NFE2L3: variants seen among roughly 807,000 people sequenced by gnomAD.
The protein encoded by NFE2L3 is nuclear factor erythroid 2-related factor 3.
Under a neutral mutation model 23.5 loss-of-function variants are expected in NFE2L3, and 18 were observed. The observed-to-expected ratio is 0.77, with a 90% confidence interval of 0.53 to 1.13. The LOEUF is 1.13. Ranked by LOEUF, NFE2L3 falls within the 50% of genes most tolerant of loss-of-function variation. NFE2L3 has a pLI of 0.00. For missense variants in NFE2L3, 1,152 were observed against 877.2 expected (o/e 1.31, Z -3.96); for synonymous variants, 424 against 354.5 (o/e 1.20, Z -2.20).
intron 1 of NFE2L3, among the ~76,000 whole-genome samples, chr7:26,157,551 T>C (rs755016226): frequency 3.9e-5 from 6 of 152,214 alleles, no homozygotes; most frequent in Non-Finnish European, 8.8e-5. Context: ...TCCTGGGCAA[T>C]TGGACAAGAG....
intron 1 of NFE2L3, among the ~76,000 whole-genome samples, chr7:26,158,711 A>G (rs1784124361): frequency 6.6e-6 from 1 of 152,018 alleles, no homozygotes. Context: ...CTACTTCTCA[A>G]CCCACACAGT....
intron 1 of NFE2L3, among the ~76,000 whole-genome samples, chr7:26,172,663 C>A (rs141266023): frequency 1.2e-4 from 18 of 152,168 alleles, no homozygotes; most frequent in African/African-American, 4.3e-4. Flanking sequence ...TAAAAATGAC[C>A]CCCAATGTTG....
intron 1 of NFE2L3, 93 bp downstream of exon 1, chr7:26,153,161 C>A: frequency 7.8e-7 from 1 of 1,274,710 alleles, no homozygotes; most frequent in Middle Eastern, 2.8e-4. Context: ...GCCACTCTCG[C>A]TGTGTCCTGG....
Position 26,152,776 on chromosome 7 carries a change from G to A in NFE2L3, c.278G>A (p.Arg93Gln). The change falls in exon 1 of 4, where the codon CGG (arginine) becomes CAG (glutamine). Residue 93 changes from arginine to glutamine, a missense_variant. Physicochemically the swap from Arg to Gln is conservative, Grantham distance 43. Coordinates refer to ENST00000056233, the MANE Select transcript of NFE2L3 (RefSeq NM_004289.7). This position sits in a 1 kb window ranked among gnomAD's most constrained non-coding sequence, Gnocchi z 4.4. ...GCGCCGCCCGAGGGCCAGCTGCTCC[G>A]GGAGGTGCGCGCGCTCGGGGTCCCC... ...PAAPPEGQLLREVRALGVPFV... is the reference protein window; with the variant it reads ...PAAPPEGQLLQEVRALGVPFV... 1 of 1,484,578 alleles carries A rather than the reference G, an allele frequency of 6.7e-7. No homozygotes were observed. 92.0% of individuals were successfully genotyped at this position (1,484,578 alleles called of 1,614,324 possible). A position where few individuals can be genotyped will look rare whatever the true frequency, so the allele number is the denominator to read the frequency against.
intron 1 of NFE2L3, among the ~76,000 whole-genome samples, chr7:26,168,846 C>T (rs1157313869): frequency 2.0e-5 from 3 of 152,072 alleles, no homozygotes; most frequent in Non-Finnish European, 4.4e-5. Flanking sequence ...GAGAAGTGTT[C>T]CTGAAGGGGC....
At chr7:26,183,657 TCA>T (rs1782390023) in intron 2 of NFE2L3, 42 bp from the exon 3 acceptor site, 2 of 1,225,986 alleles carry the variant, frequency 1.6e-6, no homozygotes, top group South Asian at 2.4e-5. Flanking sequence ...CCCAACCAGT[TCA>T]GTCTTTTATG....
chr7:26,156,360 C>T (rs186883580), intron 1 of NFE2L3, among the ~76,000 whole-genome samples: 5 of 152,260 alleles, frequency 3.3e-5, no homozygotes, highest in Non-Finnish European at 4.4e-5. Flanking sequence ...TAGATAATTC[C>T]GGTGGCTTAC....
At position 26,185,504 on chromosome 7, in the gene NFE2L3, A is replaced by G. The variant is rs1336216013; in HGVS notation, c.1806A>G (p.Ile602Met). ...ACTGTCGTAAACGCAAATTGGACAT[A>G]ATTTTGAATTTAGAAGATGATGTAT... The part of the protein sequence containing the change: ...AQNCRKRKLD[I>M]ILNLEDDVCN... Residue 602 changes from isoleucine to methionine, a missense_variant, in exon 4 of 4, where the codon ATA becomes ATG. Ile to Met is a conservative substitution (Grantham distance 10). Transcript: ENST00000056233. 5 of 1,613,868 alleles carry G rather than the reference A, an allele frequency of 3.1e-6. No individual in the cohort carries two copies. Among genetic ancestry groups the G allele is most frequent in the Non-Finnish European group, 4.2e-6 (5 of 1,179,870 alleles).
chr7:26,179,195 C>G (rs1042467030), intron 2 of NFE2L3, among the ~76,000 whole-genome samples: 6 of 152,030 alleles, frequency 3.9e-5, no homozygotes, highest in Admixed American at 2.0e-4. Flanking sequence ...CCCAGTGCAG[C>G]AATTGATAAG....
chr7:26,171,636 C>G (rs1784329390), intron 1 of NFE2L3, among the ~76,000 whole-genome samples: 1 of 151,920 alleles, frequency 6.6e-6, no homozygotes. Flanking sequence ...CCTTGAATTC[C>G]TTTGTCTCCT....
At chr7:26,177,628 G>A (rs1319827681) in intron 1 of NFE2L3, among the ~76,000 whole-genome samples, 2 of 152,044 alleles carry the variant, frequency 1.3e-5, no homozygotes, top group Non-Finnish European at 2.9e-5. Context: ...GAGGAAGGAA[G>A]GAATCAATTT....
At chr7:26,171,818 T>C (rs1784331754) in intron 1 of NFE2L3, among the ~76,000 whole-genome samples, 1 of 152,010 alleles carries the variant, frequency 6.6e-6, no homozygotes, top group Non-Finnish European at 1.5e-5. Context: ...ATTGTTTGAC[T>C]AGCCTGGGCA....
intron 1 of NFE2L3, among the ~76,000 whole-genome samples, chr7:26,156,150 T>G (rs1289022847): frequency 6.6e-6 from 1 of 152,218 alleles, no homozygotes; most frequent in Non-Finnish European, 1.5e-5. Context: ...TGCTTCATTC[T>G]GTGTGCATTC....
At chr7:26,160,638 T>A (rs886200343) in intron 1 of NFE2L3, among the ~76,000 whole-genome samples, 1 of 152,230 alleles carries the variant, frequency 6.6e-6, no homozygotes, top group Non-Finnish European at 1.5e-5. Flanking sequence ...CAAGGAAACC[T>A]CAGTTTTGCT....
intron 1 of NFE2L3, among the ~76,000 whole-genome samples, chr7:26,175,522 A>G (rs1183070529): frequency 6.6e-6 from 1 of 152,088 alleles, no homozygotes; most frequent in East Asian, 1.9e-4. Flanking sequence ...TCACGCCTGT[A>G]ATCCCAGCAC....
At chr7:26,182,226 C>A (rs1784528809) in intron 2 of NFE2L3, among the ~76,000 whole-genome samples, 1 of 151,932 alleles carries the variant, frequency 6.6e-6, no homozygotes, top group African/African-American at 2.4e-5. Flanking sequence ...ACACTGAGAG[C>A]AAACTTACCA....
chr7:26,186,428 T>A lies in NFE2L3; in HGVS notation c.*645T>A, dbSNP rs1782489176. The A allele has an allele frequency of 6.6e-6, 1 of 152,212 alleles. No individual in the cohort carries two copies. Among genetic ancestry groups the A allele is most frequent in the Non-Finnish European group, 1.5e-5 (1 of 68,136 alleles). 9.4% of individuals were successfully genotyped at this position (152,212 alleles called of 1,614,324 possible). On this transcript the variant is annotated 3_prime_UTR_variant, in exon 4 of 4. Transcript: ENST00000056233. ...TGCTCAGACTCAAGCCAAATTGAGG[T>A]CAACATAGTATGCCAAATCCATAGT...
chr7:26,185,517 G>T lies in NFE2L3; in HGVS notation c.1819G>T (p.Glu607Ter). The T allele has an allele frequency of 6.2e-7, 1 of 1,613,874 alleles. No homozygotes were observed. The highest frequency in any genetic ancestry group is 8.5e-7 in the Non-Finnish European group (1 of 1,179,766). The change falls in exon 4 of 4, where the codon GAA becomes TAA. Residue 607 changes from glutamate (E) to a stop codon, truncating the protein, a stop_gained. Transcript: ENST00000056233. LOFTEE classifies it low-confidence loss of function (END_TRUNC). Reference sequence around the variant, plus strand: ...CAAATTGGACATAATTTTGAATTTAGAAGATGATGTATGTAACTTGCAAGC... The same window carrying T: ...CAAATTGGACATAATTTTGAATTTATAAGATGATGTATGTAACTTGCAAGC... ...KRKLDIILNL[E>*]DDVCNLQAKK...
At chr7:26,184,400 TTAC>T in intron 3 of NFE2L3, 130 bp from the exon 4 acceptor site, 1 of 767,108 alleles carries the variant, frequency 1.3e-6, no homozygotes, top group Admixed American at 2.5e-5. Flanking sequence ...AACTAGGAAG[TTAC>T]TGCCAACAGC....
Sources: allele counts gnomAD v4.1 joint callset (sites outside exome capture counted in the v4.1 genomes callset), GRCh38; gene constraint gnomAD v4.1.1; non-coding constraint Gnocchi (gnomAD v3.1); transcripts MANE v1.5; gene names NCBI Gene and HGNC (gene_info 2026-07-23, HGNC 2026-07-21).